COL6A6: variants seen among roughly 807,000 people sequenced by gnomAD.
COL6A6 encodes collagen type VI alpha 6 chain.
Under a neutral mutation model 208.6 loss-of-function variants are expected in COL6A6, and 183 were observed. The ratio of observed to expected loss-of-function variants is 0.88; its 90% CI spans 0.78 to 0.99. The LOEUF (loss-of-function observed/expected upper bound fraction) is 0.99. Ranked by LOEUF, COL6A6 falls within the 50% of genes least tolerant of loss-of-function variation. The pLI is 0.00. For missense variants in COL6A6, 2,816 were observed against 2,815.2 expected, an observed-to-expected ratio of 1.00 and a Z score of -0.01; for synonymous variants, 973 against 1,011.8, an observed-to-expected ratio of 0.96 and a Z score of 0.73.
chr3:130,669,202 C>G (rs571122690), intron 36 of COL6A6, among the ~76,000 whole-genome samples: 1 of 152,150 alleles, frequency 6.6e-6, no homozygotes, highest in Non-Finnish European at 1.5e-5. Flanking sequence ...CAAGGCCAGC[C>G]TGGCCAACAT....
chr3:130,574,357 C>T lies in COL6A6; in HGVS notation c.3379C>T (p.His1127Tyr). Residue 1127 changes from histidine (H) to tyrosine (Y), a missense_variant, in exon 8 of 37, where the codon CAC becomes TAC. His to Tyr is a moderately conservative substitution (Grantham distance 83). Coordinates refer to ENST00000358511, the MANE Select transcript of COL6A6 (RefSeq NM_001102608.3). ...EVAQAAEALRHRGIDIYSVGI... is the reference protein window; with the variant it reads ...EVAQAAEALRYRGIDIYSVGI... ...GGCCCAGGCCGCGGAAGCCCTGAGA[C>T]ACAGAGGTATCGACATCTACTCCGT... is the stretch of plus-strand genomic sequence containing the variant. The T allele has an allele frequency of 6.2e-7, 1 of 1,614,030 alleles. No individual in the cohort carries two copies. Among genetic ancestry groups the T allele is most frequent in the Non-Finnish European group, 8.5e-7 (1 of 1,179,910 alleles).
At chr3:130,590,166 T>G (rs2063639301) in intron 12 of COL6A6, 1 of 239,202 alleles carries the variant, frequency 4.2e-6, no homozygotes. Context: ...GCTCTGGAAC[T>G]ATATATAAAC....
intron 36 of COL6A6, among the ~76,000 whole-genome samples, chr3:130,671,529 A>T (rs750147828): frequency 6.6e-6 from 1 of 152,232 alleles, no homozygotes; most frequent in Non-Finnish European, 1.5e-5. Flanking sequence ...ATAAGTGATC[A>T]AAGACTCTAA....
chr3:130,522,598 C>G (rs1461677831), intron 1 of COL6A6, among the ~76,000 whole-genome samples: 1 of 152,180 alleles, frequency 6.6e-6, no homozygotes, highest in African/African-American at 2.4e-5. Flanking sequence ...TCCCAGATAT[C>G]TAACTGCCCA....
At chr3:130,588,169 A>C (rs529490463) in intron 11 of COL6A6, among the ~76,000 whole-genome samples, 2 of 152,380 alleles carry the variant, frequency 1.3e-5, no homozygotes, top group South Asian at 4.1e-4. Context: ...AAAGAATTTC[A>C]TAATGTCAGA....
At chr3:130,643,067 A>G in intron 31 of COL6A6, 44 bp downstream of exon 31, 3 of 1,600,390 alleles carry the variant, frequency 1.9e-6, no homozygotes, top group Non-Finnish European at 2.6e-6. Flanking sequence ...GTCAGCATTC[A>G]TACAAGAAAA....
chr3:130,652,915 G>A (rs1357645187), intron 33 of COL6A6, among the ~76,000 whole-genome samples: 1 of 152,194 alleles, frequency 6.6e-6, no homozygotes, highest in Non-Finnish European at 1.5e-5. Flanking sequence ...TACCTGTGCA[G>A]CCATGTGTGT....
chr3:130,625,033 A>G (rs865900333), intron 24 of COL6A6, among the ~76,000 whole-genome samples: 2 of 152,200 alleles, frequency 1.3e-5, no homozygotes, highest in South Asian at 4.1e-4. Context: ...TTTAGTGTGC[A>G]TATGAATCAG....
intron 8 of COL6A6, among the ~76,000 whole-genome samples, chr3:130,577,692 C>T (rs1045675128): frequency 6.6e-6 from 1 of 152,204 alleles, no homozygotes; most frequent in Non-Finnish European, 1.5e-5. Flanking sequence ...ACTGTGAGAT[C>T]TTGGGCAAGC....
chr3:130,574,452 G>T lies in COL6A6; in HGVS notation c.3474G>T (p.Val1158=). 1 of 1,614,034 alleles carries T rather than the reference G, an allele frequency of 6.2e-7. No individual in the cohort carries two copies. Among genetic ancestry groups the T allele is most frequent in the South Asian group, 1.1e-5 (1 of 91,078 alleles). The change falls in exon 8 of 37, where the codon GTG becomes GTT. Residue 1158 remains valine (V), a synonymous_variant. Transcript: ENST00000358511. ...ITGTAEKKLT[V]HNFDELKKVN... ...GGACTGCAGAGAAAAAACTGACAGT[G>T]CACAACTTCGATGAACTGAAGAAGG...
rs1016631700 is a variant in COL6A6, at chr3:130,563,308, G to A, written c.305G>A (p.Gly102Asp). Residue 102 changes from glycine to aspartate, a missense_variant, in exon 3 of 37, where the codon GGC (glycine) becomes GAC (aspartate). Coordinates refer to ENST00000358511, the MANE Select transcript of COL6A6 (RefSeq NM_001102608.3). Reference sequence around the variant, plus strand: ...CTAAGGAAGAACTTTGGATTCATTGGCGGGTCCCTGCAGATAGGAAAGGCT... The same window carrying A: ...CTAAGGAAGAACTTTGGATTCATTGACGGGTCCCTGCAGATAGGAAAGGCT... Reference protein sequence around the residue: ...NHLRKNFGFIGGSLQIGKALQ... With the variant: ...NHLRKNFGFIDGSLQIGKALQ... The A allele has an allele frequency of 1.9e-6, 3 of 1,613,958 alleles. No homozygotes were observed. Among genetic ancestry groups the A allele is most frequent in the African/African-American group, 2.7e-5 (2 of 75,040 alleles).
chr3:130,626,654 GT>G, intron 25 of COL6A6, 107 bp downstream of exon 25: 1 of 741,716 alleles, frequency 1.3e-6, no homozygotes, highest in Non-Finnish European at 2.4e-6. Context: ...TCCTCATGAA[GT>G]TTTATAGTTT....
chr3:130,551,846 T>G (rs149532007), intron 1 of COL6A6, among the ~76,000 whole-genome samples: 5 of 152,322 alleles, frequency 3.3e-5, no homozygotes, highest in African/African-American at 1.2e-4. Flanking sequence ...CCAGAGATTC[T>G]GGTATGTTAT....
At chr3:130,604,494 CAA>C (rs559789872) in intron 20 of COL6A6, among the ~76,000 whole-genome samples, 24 of 83,974 alleles carry the variant, frequency 2.9e-4, no homozygotes, top group Admixed American at 4.1e-4. Context: ...GACTCCGTCT[CAA>C]AAAAAAAAAA....
rs74825700 is a variant in COL6A6 at position 130,670,472 on chromosome 3, C to T, written c.6597-4730C>T. ...TGAAGTCCAATGGGATAATAAAGCA[C>T]GTGTTGGGGAGTCGGAACCTAGAGA... On this transcript the variant is annotated intron_variant, in intron 36 of 36. Transcript: ENST00000358511. Among the ~76,000 whole-genome samples the T allele has an allele frequency of 3.3e-4, 50 of 152,274 alleles. No individual in the cohort carries two copies. The East Asian group carries it at 6.8e-3, about 21-fold the overall frequency.
chr3:130,653,093 T>G (rs2065691765), intron 33 of COL6A6, among the ~76,000 whole-genome samples: 1 of 151,728 alleles, frequency 6.6e-6, no homozygotes, highest in African/African-American at 2.4e-5. Flanking sequence ...AAACATGTTT[T>G]TTGTTTGTTT....
chr3:130,614,701 T>G (rs908096113), intron 23 of COL6A6, among the ~76,000 whole-genome samples: 3 of 152,190 alleles, frequency 2.0e-5, no homozygotes, highest in Admixed American at 2.0e-4. Context: ...GTTATTGGTC[T>G]GTTCAGGGAT....
intron 1 of COL6A6, among the ~76,000 whole-genome samples, chr3:130,534,485 A>G (rs937037077): frequency 6.6e-6 from 1 of 152,030 alleles, no homozygotes; most frequent in Admixed American, 6.6e-5. Flanking sequence ...CCTCTCCTTT[A>G]TGATTTATAC....
intron 22 of COL6A6, 92 bp downstream of exon 22, chr3:130,609,056 C>T (rs1395279666): frequency 3.3e-6 from 3 of 903,156 alleles, no homozygotes; most frequent in Non-Finnish European, 5.3e-6. Flanking sequence ...TCAAATCTCC[C>T]TTGCAGAATT....
Sources: allele counts gnomAD v4.1 joint callset (sites outside exome capture counted in the v4.1 genomes callset), GRCh38; gene constraint gnomAD v4.1.1; transcripts MANE v1.5; gene names NCBI Gene and HGNC (gene_info 2026-07-23, HGNC 2026-07-21).